TJP1: variants seen among roughly 807,000 people sequenced by gnomAD.
The protein encoded by TJP1 is tight junction protein ZO-1.
A neutral mutation model predicts 194.2 loss-of-function variants in TJP1; 43 were observed. The ratio of observed to expected loss-of-function variants is 0.22; its 90% CI spans 0.17 to 0.29. The LOEUF is 0.29. TJP1 is among the 10% of genes least tolerant of loss of function. The pLI is 1.00. For synonymous variants in TJP1, 801 were observed against 779.0 expected, an observed-to-expected ratio of 1.03 and a Z score of -0.47; for missense variants, 1,971 against 2,185.7, an observed-to-expected ratio of 0.90 and a Z score of 1.96.
At chr15:29,730,297 C>T (rs1480341172) in intron 15 of TJP1, among the ~76,000 whole-genome samples, 1 of 151,788 alleles carries the variant, frequency 6.6e-6, no homozygotes, top group Admixed American at 6.6e-5. Context: ...AAAAATAAAA[C>T]AAAACTGGGT....
chr15:29,701,850 T>G (rs1428737674), intron 27 of TJP1, among the ~76,000 whole-genome samples, 161 bp from the exon 28 acceptor site: 1 of 152,268 alleles, frequency 6.6e-6, no homozygotes, highest in African/African-American at 2.4e-5. Flanking sequence ...TCAAAGCAGA[T>G]CTGCTGGCAT....
At chr15:29,950,513 C>T (rs1244345460) in intron 2 of TJP1, among the ~76,000 whole-genome samples, 3 of 152,200 alleles carry the variant, frequency 2.0e-5, no homozygotes, top group Non-Finnish European at 4.4e-5. Flanking sequence ...ACCACCATAA[C>T]CACTCAATCA....
chr15:29,747,471 TA>T (rs1246781857), intron 8 of TJP1, among the ~76,000 whole-genome samples: 1 of 152,056 alleles, frequency 6.6e-6, no homozygotes, highest in Non-Finnish European at 1.5e-5. Flanking sequence ...TTGTTTGCAT[TA>T]AAAAATATGA....
chr15:29,775,842 T>C (rs1050620440), intron 2 of TJP1, among the ~76,000 whole-genome samples: 2 of 152,070 alleles, frequency 1.3e-5, no homozygotes, highest in Non-Finnish European at 2.9e-5. Flanking sequence ...GACCCTATTA[T>C]AAATAAAAGG....
At chr15:29,714,072 A>C (rs141712801) in intron 23 of TJP1, among the ~76,000 whole-genome samples, 417 of 152,198 alleles carry the variant, frequency 2.7e-3, no homozygotes, top group African/African-American at 9.4e-3. Context: ...AGCTTCATTC[A>C]CTCAACAATT....
intron 8 of TJP1, among the ~76,000 whole-genome samples, chr15:29,755,771 G>C (rs1317779008): frequency 6.6e-6 from 1 of 152,132 alleles, no homozygotes; most frequent in African/African-American, 2.4e-5. Flanking sequence ...GAACTCTGTT[G>C]GTTTCAGGGA....
chr15:29,921,160 T>A (rs1486974807), intron 2 of TJP1, among the ~76,000 whole-genome samples: 8 of 152,144 alleles, frequency 5.3e-5, no homozygotes, highest in Non-Finnish European at 1.2e-4. Context: ...TATTTCAATA[T>A]CCATGTGAAT....
intron 5 of TJP1, among the ~76,000 whole-genome samples, chr15:29,763,779 A>AAG (rs1171359776): frequency 6.6e-6 from 1 of 151,814 alleles, no homozygotes; most frequent in Non-Finnish European, 1.5e-5. Context: ...AAAAAAAAAA[A>AAG]AAAAATTACA....
intron 2 of TJP1, among the ~76,000 whole-genome samples, chr15:29,953,140 AT>A (rs71416442): frequency 5.8e-4 from 64 of 110,982 alleles, no homozygotes; most frequent in East Asian, 1.1e-3. Context: ...AAGAAGACAG[AT>A]TTTTTTTTTT....
intron 27 of TJP1, among the ~76,000 whole-genome samples, chr15:29,703,320 G>A (rs1223989509): frequency 6.6e-6 from 1 of 151,870 alleles, no homozygotes; most frequent in Non-Finnish European, 1.5e-5. Context: ...CATGGTGGTG[G>A]GCACCTGTAA....
intron 18 of TJP1, among the ~76,000 whole-genome samples, chr15:29,725,718 T>C (rs2043199983): frequency 1.3e-5 from 2 of 152,310 alleles, no homozygotes; most frequent in South Asian, 2.1e-4. Flanking sequence ...AGCTGGCCAT[T>C]TGGACGTATA....
At chr15:29,915,130 C>A (rs2054145789) in intron 2 of TJP1, among the ~76,000 whole-genome samples, 1 of 152,180 alleles carries the variant, frequency 6.6e-6, no homozygotes, top group Admixed American at 6.5e-5. Flanking sequence ...AAAAAGAAAT[C>A]TACCAGATTT....
intron 8 of TJP1, among the ~76,000 whole-genome samples, chr15:29,749,382 A>T (rs1316345821): frequency 6.6e-6 from 1 of 152,156 alleles, no homozygotes; most frequent in East Asian, 1.9e-4. Context: ...ATACACACTC[A>T]ATTAGATTAG....
chr15:29,950,165 A>T (rs1210490597), intron 2 of TJP1, among the ~76,000 whole-genome samples: 1 of 94,642 alleles, frequency 1.1e-5, no homozygotes, highest in Admixed American at 1.1e-4. Flanking sequence ...CACCACCACC[A>T]CAACCACTAC....
At chr15:29,835,899 G>A (rs1484602946) in intron 2 of TJP1, among the ~76,000 whole-genome samples, 2 of 137,458 alleles carry the variant, frequency 1.5e-5, no homozygotes, top group East Asian at 3.9e-4. Context: ...AAGAGAGAGA[G>A]AGAGAGACAG....
intron 8 of TJP1, among the ~76,000 whole-genome samples, chr15:29,746,096 C>T (rs7174671): frequency 0.033 from 4,961 of 152,172 alleles, 277 homozygotes; most frequent in African/African-American, 0.11. Flanking sequence ...AACTTTAAAA[C>T]GGCTGGGCGC....
At chr15:29,927,297 G>C (rs1718993) in intron 2 of TJP1, among the ~76,000 whole-genome samples, 38,852 of 151,726 alleles carry the variant, frequency 0.26, 5,205 homozygotes, top group East Asian at 0.35. Context: ...TCCAGCCTGG[G>C]TGACAAAGCA....
intron 2 of TJP1, among the ~76,000 whole-genome samples, chr15:29,950,388 CCAT>C (rs1189797711): frequency 5.9e-5 from 9 of 151,662 alleles, no homozygotes; most frequent in East Asian, 2.0e-4. Flanking sequence ...ACCTCCACCA[CCAT>C]AACCACCACC....
upstream of TJP1, among the ~76,000 whole-genome samples, chr15:29,824,653 T>C (rs917758830): frequency 1.3e-5 from 2 of 152,226 alleles, no homozygotes; most frequent in Non-Finnish European, 2.9e-5. Context: ...AAGGTGGTGA[T>C]GAAAGACCTT....
Sources: gnomAD v4.1 joint callset for allele counts (sites outside exome capture counted in the v4.1 genomes callset) on GRCh38, gnomAD v4.1.1 for gene constraint, MANE v1.5 for transcripts, NCBI Gene and HGNC (gene_info 2026-07-23, HGNC 2026-07-21) for gene names.